Variants in STMN3 observed in about 807,000 individuals in gnomAD.
STMN3 encodes stathmin-3.
STMN3 carries 24 observed loss-of-function variants against 23.2 expected under a neutral mutation model. That is an observed-to-expected ratio of 1.03 (90% CI 0.75 to 1.45). The LOEUF is 1.45. STMN3 is among the 40% of genes most tolerant of loss of function. The pLI is 0.00. For missense variants in STMN3, 235 were observed against 237.6 expected (o/e 0.99, Z 0.07); for synonymous variants, 117 against 103.4 (o/e 1.13, Z -0.80).
chr20:63,643,943 G>C lies in STMN3; in HGVS notation c.116-12C>G. On this transcript the variant is annotated splice_polypyrimidine_tract_variant and intron_variant, in intron 2 of 4. Coordinates refer to ENST00000370053, the MANE Select transcript of STMN3 (RefSeq NM_015894.4). Reference sequence around the variant, plus strand: ...CTTCACCTCCATGTCTGCAGGGCAAGACCAGAGTAGAGCTTCAGAGGCCCG... The same window carrying C: ...CTTCACCTCCATGTCTGCAGGGCAACACCAGAGTAGAGCTTCAGAGGCCCG... 1 of 1,591,592 alleles carries C rather than the reference G, an allele frequency of 6.3e-7. No homozygotes were observed. The highest frequency in any genetic ancestry group is 8.5e-7 in the Non-Finnish European group (1 of 1,174,554).
chr20:63,652,456 G>GC lies in STMN3; in HGVS notation c.19+870dup. Reference sequence around the variant, plus strand: ...GGAAGGGCGGGCCCAGCGTCCTCGCGCCCGAGGTCGCCCGGCAGCTCCCCT... The same window carrying GC: ...GGAAGGGCGGGCCCAGCGTCCTCGCGCCCCGAGGTCGCCCGGCAGCTCCCCT... On this transcript the variant is annotated intron_variant, in intron 1 of 4. Transcript: ENST00000370053. This position sits in a 1 kb window ranked among gnomAD's most constrained non-coding sequence, Gnocchi z 5.3. 1 of 594,438 alleles carries GC rather than the reference G, an allele frequency of 1.7e-6. No individual in the cohort carries two copies. The highest frequency in any genetic ancestry group is 2.0e-5 in the African/African-American group (1 of 49,818). 36.8% of individuals were successfully genotyped at this position (594,438 alleles called of 1,614,324 possible).
intron 1 of STMN3, among the ~76,000 whole-genome samples, chr20:63,651,796 T>C (rs1394493468): frequency 6.6e-6 from 1 of 152,142 alleles, no homozygotes; most frequent in Non-Finnish European, 1.5e-5. Flanking sequence ...GAGGTCAGAC[T>C]CTGGGTTGCA....
rs372700471 is a variant in STMN3 at position 63,647,263 on chromosome 20, G to A, written c.20-2954C>T. On this transcript the variant is annotated intron_variant, in intron 1 of 4. Transcript: ENST00000370053. The stretch of plus-strand genomic sequence containing the variant: ...GTGGAGGTTGAAGTGAGCCAAGATC[G>A]AGCTACTGCACTCCAGCCTGGGAGC... 3.5e-5 allele frequency among the ~76,000 whole-genome samples: 5 copies of A among 141,886 alleles called. No homozygotes were observed. In the South Asian group the frequency reaches 6.7e-4, roughly 19 times the overall value. 93.1% of individuals were successfully genotyped at this position (141,886 alleles called of 152,430 possible). A position where few individuals can be genotyped will look rare whatever the true frequency, so the allele number is the denominator to read the frequency against.
In STMN3 at chr20:63,645,553, G is replaced by A. The variant is rs143498763; in HGVS notation, c.20-1244C>T. ...GCCCTGTGCCCTGTCAGGGGAAGAGGAAGGCGCCTGCTGTCACAGTGAAAA... is the reference window on the plus strand; with the variant it reads ...GCCCTGTGCCCTGTCAGGGGAAGAGAAAGGCGCCTGCTGTCACAGTGAAAA... On this transcript the variant is annotated intron_variant, in intron 1 of 4. Transcript: ENST00000370053. Among the ~76,000 whole-genome samples the A allele has an allele frequency of 5.2e-3, 791 of 152,338 alleles. 5 individuals are homozygous for A. Among genetic ancestry groups the A allele is most frequent in the Middle Eastern group, 0.02 (6 of 294 alleles).
intron 1 of STMN3, among the ~76,000 whole-genome samples, chr20:63,645,708 T>C (rs1311152005): frequency 3.3e-5 from 5 of 152,320 alleles, no homozygotes; most frequent in African/African-American, 7.2e-5. Context: ...ATCCCAGCAC[T>C]TTGGGAGGCC....
At chr20:63,643,574 C>T (rs1008267905) in intron 3 of STMN3, 182 bp downstream of exon 3, 3 of 946,960 alleles carry the variant, frequency 3.2e-6, no homozygotes, top group Admixed American at 6.2e-5. Flanking sequence ...AGCCACCACA[C>T]CCGGCCTCTC....
chr20:63,643,982 G>A (rs1162597320), intron 2 of STMN3, 51 bp from the exon 3 acceptor site: 28 of 1,578,014 alleles, frequency 1.8e-5, no homozygotes, highest in East Asian at 4.5e-5. Context: ...AGGGCATGGC[G>A]TGGGCTGAGC....
chr20:63,642,123 C>T lies in STMN3; in HGVS notation c.468G>A (p.Glu156=). The T allele has an allele frequency of 1.3e-6, 2 of 1,494,532 alleles. No homozygotes were observed. Among genetic ancestry groups the T allele is most frequent in the Non-Finnish European group, 1.8e-6 (2 of 1,119,288 alleles). 92.6% of individuals were successfully genotyped at this position (1,494,532 alleles called of 1,614,324 possible). A position where few individuals can be genotyped will look rare whatever the true frequency, so the allele number is the denominator to read the frequency against. The part of the protein sequence containing the change: ...IREAHLAALR[E]RLREKELHAA... ...GCCCCCGCACCTTCTCGCGCAGCCG[C>T]TCGCGCAGTGCGGCCAGGTGTGCCT... The change falls in exon 4 of 5, where the codon GAG becomes GAA. Residue 156 remains glutamate (E), a synonymous_variant. Transcript: ENST00000370053.
chr20:63,652,966 C>T lies in STMN3; in HGVS notation c.19+361G>A, dbSNP rs1206197649. 1.3e-5 allele frequency among the ~76,000 whole-genome samples: 2 copies of T among 152,072 alleles called. No individual in the cohort carries two copies. Among genetic ancestry groups the T allele is most frequent in the African/African-American group, 4.8e-5 (2 of 41,452 alleles). On this transcript the variant is annotated intron_variant, in intron 1 of 4. Coordinates refer to ENST00000370053, the MANE Select transcript of STMN3 (RefSeq NM_015894.4). The surrounding 1 kb of genome is among the most constrained non-coding windows in gnomAD (Gnocchi z 5.3). ...ACCCAGATCTCGGGTCGCCGGACGC[C>T]CCAGGGACCCCGCCCGCACATCGCG...
At chr20:63,645,141 C>A (rs2089800038) in intron 1 of STMN3, among the ~76,000 whole-genome samples, 1 of 152,186 alleles carries the variant, frequency 6.6e-6, no homozygotes, top group Non-Finnish European at 1.5e-5. Flanking sequence ...CTCCCTCTGT[C>A]CCGCTACTTC....
chr20:63,647,991 T>TATACACACACAC (rs1288050001), intron 1 of STMN3, among the ~76,000 whole-genome samples: 3 of 75,892 alleles, frequency 4.0e-5, no homozygotes, highest in African/African-American at 1.5e-4. Context: ...CATATATATA[T>TATACACACACAC]ACAGAGAGAG....
At chr20:63,642,983 C>G (rs1459862071) in intron 3 of STMN3, among the ~76,000 whole-genome samples, 3 of 152,144 alleles carry the variant, frequency 2.0e-5, no homozygotes, top group Non-Finnish European at 4.4e-5. Flanking sequence ...CTGTTTCAGT[C>G]TCAGAGGGGC....
In STMN3 at chr20:63,652,457, C is replaced by G; in HGVS notation, c.19+870G>C. The G allele has an allele frequency of 1.6e-6, 1 of 612,640 alleles. No individual in the cohort carries two copies. The highest frequency in any genetic ancestry group is 2.0e-6 in the Non-Finnish European group (1 of 488,812). The allele number at this position is 612,640 out of a possible 1,614,324, so 38.0% of individuals were successfully genotyped here. On this transcript the variant is annotated intron_variant, in intron 1 of 4. Coordinates refer to ENST00000370053, the MANE Select transcript of STMN3 (RefSeq NM_015894.4). This position sits in a 1 kb window ranked among gnomAD's most constrained non-coding sequence, Gnocchi z 5.3. ...GAAGGGCGGGCCCAGCGTCCTCGCG[C>G]CCGAGGTCGCCCGGCAGCTCCCCTG...
Position 63,652,767 on chromosome 20 carries a change from G to C in STMN3, c.19+560C>G, listed in dbSNP as rs1248448767. On this transcript the variant is annotated intron_variant, in intron 1 of 4. Transcript: ENST00000370053. This position sits in a 1 kb window ranked among gnomAD's most constrained non-coding sequence, Gnocchi z 5.3. ...GTGGTCCCCGAGGCCGCAGCGGTGT[G>C]GGGGGAGGGCGCGGTCCCCCTCACT... is the stretch of plus-strand genomic sequence containing the variant. 5.1e-6 allele frequency: 5 copies of C among 986,106 alleles called. No individual in the cohort carries two copies. Among genetic ancestry groups the C allele is most frequent in the South Asian group, 4.7e-5 (1 of 21,296 alleles). 61.1% of individuals were successfully genotyped at this position (986,106 alleles called of 1,614,324 possible).
At position 63,641,076 on chromosome 20, in the gene STMN3, C is replaced by T. The variant is rs1210850223; in HGVS notation, c.*262G>A. 5.5e-6 allele frequency: 3 copies of T among 548,000 alleles called. No individual in the cohort carries two copies. The highest frequency in any genetic ancestry group is 2.2e-5 in the African/African-American group (1 of 45,234). 33.9% of individuals were successfully genotyped at this position (548,000 alleles called of 1,614,324 possible). Reference sequence around the variant, plus strand: ...GGTCACCGCCACCTCTCTCACAGGGCCCCCGGGGGACCCAGCCGCGCCCGG... The same window carrying T: ...GGTCACCGCCACCTCTCTCACAGGGTCCCCGGGGGACCCAGCCGCGCCCGG... On this transcript the variant is annotated 3_prime_UTR_variant, in exon 5 of 5. Coordinates refer to ENST00000370053, the MANE Select transcript of STMN3 (RefSeq NM_015894.4).
chr20:63,647,667 A>ATATACACGTGTATATATAT lies in STMN3; in HGVS notation c.20-3359_20-3358insATATATATACACGTGTATA, dbSNP rs1569069761. ...ATATATACATGTATATATATAATAT[A>ATATACACGTGTATATATAT]TATATACGTATATATACACGTGTAT... On this transcript the variant is annotated intron_variant, in intron 1 of 4. Transcript: ENST00000370053. Among the ~76,000 whole-genome samples, 97 of 114,788 alleles carry ATATACACGTGTATATATAT rather than the reference A, an allele frequency of 8.5e-4. 5 individuals carry two copies. The highest frequency in any genetic ancestry group is 2.7e-3 in the African/African-American group (91 of 33,800). 75.3% of individuals were successfully genotyped at this position (114,788 alleles called of 152,430 possible).
intron 1 of STMN3, among the ~76,000 whole-genome samples, chr20:63,644,523 T>C (rs1385513796): frequency 7.8e-6 from 1 of 128,910 alleles, no homozygotes; most frequent in Non-Finnish European, 1.8e-5. Context: ...TCCCCTGCCT[T>C]CTGTCTCTCT....
chr20:63,643,055 C>T (rs777439550), intron 3 of STMN3, among the ~76,000 whole-genome samples: 1 of 152,126 alleles, frequency 6.6e-6, no homozygotes, highest in Non-Finnish European at 1.5e-5. Flanking sequence ...CCCAGGGCCC[C>T]TCCGCCCTCC....
intron 1 of STMN3, among the ~76,000 whole-genome samples, chr20:63,649,227 C>A (rs1601062208): frequency 6.6e-6 from 1 of 152,190 alleles, no homozygotes; most frequent in East Asian, 1.9e-4. Flanking sequence ...GTGAGGCCTG[C>A]CCTGTGGTCT....
Sources: gnomAD v4.1 joint callset for allele counts (sites outside exome capture counted in the v4.1 genomes callset) on GRCh38, gnomAD v4.1.1 for gene constraint, Gnocchi (gnomAD v3.1) non-coding constraint, MANE v1.5 for transcripts, NCBI Gene and HGNC (gene_info 2026-07-23, HGNC 2026-07-21) for gene names.